Variants in MDGA2 observed in about 807,000 individuals in gnomAD.
MDGA2 encodes the protein MAM domain containing glycosylphosphatidylinositol anchor 2, also known as MAM domain-containing glycosylphosphatidylinositol anchor protein 2.
In MDGA2, 40 loss-of-function variants were observed where a neutral mutation model predicts 117.8. The observed-to-expected ratio is 0.34, with a 90% CI of 0.26 to 0.44. The LOEUF is 0.44. MDGA2 is among the 20% of genes least tolerant of loss of function. MDGA2 has a pLI of 1.00. For missense variants in MDGA2, 1,123 were observed against 1,250.6 expected (o/e 0.90, Z 1.54); for synonymous variants, 452 against 439.0 (o/e 1.03, Z -0.37).
At chr14:47,514,575 A>T (rs1459165727) in intron 1 of MDGA2, among the ~76,000 whole-genome samples, 1 of 152,136 alleles carries the variant, frequency 6.6e-6, no homozygotes, top group South Asian at 2.1e-4. Context: ...CAGTAATTCT[A>T]CCATCAGTAT....
chr14:47,021,488 T>C (rs917679693), intron 8 of MDGA2, among the ~76,000 whole-genome samples: 4 of 152,186 alleles, frequency 2.6e-5, no homozygotes, highest in Non-Finnish European at 5.9e-5. Context: ...AAGCCAAGTA[T>C]ATATAATTAT....
chr14:47,179,927 G>C (rs988734824), intron 3 of MDGA2, among the ~76,000 whole-genome samples: 1 of 152,030 alleles, frequency 6.6e-6, no homozygotes, highest in Admixed American at 6.6e-5. Flanking sequence ...TTTTGGGATT[G>C]TTAGACATAC....
chr14:46,983,716 A>G (rs1021728388), intron 8 of MDGA2, among the ~76,000 whole-genome samples: 1 of 152,108 alleles, frequency 6.6e-6, no homozygotes, highest in Non-Finnish European at 1.5e-5. Flanking sequence ...GGCACTTCAC[A>G]CATTAAAAGA....
intron 6 of MDGA2, among the ~76,000 whole-genome samples, chr14:47,084,739 G>A (rs1199588413): frequency 6.6e-6 from 1 of 152,116 alleles, no homozygotes; most frequent in African/African-American, 2.4e-5. Context: ...TACAGAGAGA[G>A]CTGGCTTTCC....
At chr14:47,298,780 G>C (rs1262275793) in intron 2 of MDGA2, among the ~76,000 whole-genome samples, 2 of 150,380 alleles carry the variant, frequency 1.3e-5, no homozygotes, top group Non-Finnish European at 3.0e-5. Flanking sequence ...CGCCTCCCAG[G>C]TTCACGCCAT....
chr14:47,559,920 A>G (rs2138795593), intron 1 of MDGA2, among the ~76,000 whole-genome samples: 1 of 152,194 alleles, frequency 6.6e-6, no homozygotes, highest in African/African-American at 2.4e-5. Flanking sequence ...GAATATATGC[A>G]GTAATGGGAT....
intron 1 of MDGA2, among the ~76,000 whole-genome samples, chr14:47,364,393 T>C (rs1891186900): frequency 6.6e-6 from 1 of 152,192 alleles, no homozygotes; most frequent in African/African-American, 2.4e-5. Context: ...GCCTCCCAAG[T>C]AGCTGGGACT....
rs145403254 is a variant in MDGA2 at position 47,320,416 on chromosome 14, G to A, written c.281-18866C>T. On this transcript the variant is annotated intron_variant, in intron 1 of 16. Coordinates refer to ENST00000399232, the MANE Select transcript of MDGA2 (RefSeq NM_001113498.3). ...AAAAACTCTGTGAGAAAGATGGGATGCTTACAGTTTGGCATTTCTCCCTGA... is the reference window on the plus strand; with the variant it reads ...AAAAACTCTGTGAGAAAGATGGGATACTTACAGTTTGGCATTTCTCCCTGA... Among the ~76,000 whole-genome samples, 156 of 152,176 alleles carry A rather than the reference G, an allele frequency of 1.0e-3. 1 individual carries two copies. The highest frequency in any genetic ancestry group is 3.5e-3 in the African/African-American group (146 of 41,528).
chr14:47,436,107 T>C (rs569066746), intron 1 of MDGA2, among the ~76,000 whole-genome samples: 1 of 152,192 alleles, frequency 6.6e-6, no homozygotes, highest in South Asian at 2.1e-4. Context: ...TAGGTTATAG[T>C]TGTCTACAAA....
chr14:47,159,973 T>G (rs983389967), intron 3 of MDGA2, among the ~76,000 whole-genome samples: 14 of 152,190 alleles, frequency 9.2e-5, no homozygotes, highest in South Asian at 2.1e-4. Context: ...CAAAATATAA[T>G]AAAGTATGGC....
At chr14:47,019,492 C>T (rs1480512788) in intron 8 of MDGA2, among the ~76,000 whole-genome samples, 3 of 152,074 alleles carry the variant, frequency 2.0e-5, no homozygotes, top group Admixed American at 1.3e-4. Context: ...TTCTCACCAA[C>T]CTAATAACAA....
At chr14:47,472,710 G>C (rs1266923684) in intron 1 of MDGA2, among the ~76,000 whole-genome samples, 1 of 151,968 alleles carries the variant, frequency 6.6e-6, no homozygotes, top group African/African-American at 2.4e-5. Context: ...TAGAGGGAAG[G>C]GGTGAAGATG....
At chr14:47,492,280 C>T (rs1460687576) in intron 1 of MDGA2, among the ~76,000 whole-genome samples, 6 of 152,072 alleles carry the variant, frequency 3.9e-5, no homozygotes, top group Non-Finnish European at 8.8e-5. Context: ...CAACAACTAA[C>T]ACAATGGACA....
At chr14:47,674,108 GA>G (rs1566569653) in intron 1 of MDGA2, among the ~76,000 whole-genome samples, 1 of 150,738 alleles carries the variant, frequency 6.6e-6, no homozygotes, top group Non-Finnish European at 1.5e-5. Flanking sequence ...CGGGGGCGGA[GA>G]GGGGTGGGGA....
chr14:47,453,215 A>G (rs1329513249), intron 1 of MDGA2, among the ~76,000 whole-genome samples: 1 of 152,048 alleles, frequency 6.6e-6, no homozygotes, highest in East Asian at 1.9e-4. Context: ...CTTTTCAAGT[A>G]TGATCAACTG....
chr14:47,041,512 T>C (rs1421083981), intron 7 of MDGA2, among the ~76,000 whole-genome samples: 1 of 152,066 alleles, frequency 6.6e-6, no homozygotes, highest in Non-Finnish European at 1.5e-5. Context: ...TGTTACAGTA[T>C]ATATGTGTAT....
intron 1 of MDGA2, among the ~76,000 whole-genome samples, chr14:47,452,105 T>C (rs1180291107): frequency 6.6e-6 from 1 of 152,108 alleles, no homozygotes; most frequent in Non-Finnish European, 1.5e-5. Flanking sequence ...TCTTTAAAGA[T>C]GGGAAAAGCA....
intron 7 of MDGA2, among the ~76,000 whole-genome samples, chr14:47,060,848 G>T (rs1028995714): frequency 2.6e-5 from 4 of 151,746 alleles, no homozygotes; most frequent in Non-Finnish European, 5.9e-5. Context: ...TTATCTCTCA[G>T]TATTTTCTTC....
intron 15 of MDGA2, among the ~76,000 whole-genome samples, chr14:46,848,016 G>A (rs183457219): frequency 5.9e-5 from 9 of 152,088 alleles, no homozygotes; most frequent in Admixed American, 5.9e-4. Context: ...TGCTTGTAGA[G>A]TGCAATACAG....
Sources: gnomAD v4.1 joint callset for allele counts (sites outside exome capture counted in the v4.1 genomes callset) on GRCh38, gnomAD v4.1.1 for gene constraint, MANE v1.5 for transcripts, NCBI Gene and HGNC (gene_info 2026-07-23, HGNC 2026-07-21) for gene names.